Variants in LAMA2 observed in about 807,000 individuals in gnomAD.
LAMA2 encodes the protein laminin subunit alpha 2.
LAMA2 carries 269 observed loss-of-function variants against 364.8 expected under a neutral mutation model. That is an observed-to-expected ratio of 0.74 (90% CI 0.67 to 0.82). The LOEUF (loss-of-function observed/expected upper bound fraction) is 0.82, where lower values mean the gene tolerates loss of function less well. Among genes scored for constraint, LAMA2 ranks in the 40% least tolerant of loss-of-function variants. LAMA2 has a pLI of 0.00. For missense variants in LAMA2, 3,807 were observed against 3,873.2 expected, an observed-to-expected ratio of 0.98 and a Z score of 0.45; for synonymous variants, 1,379 against 1,370.6, an observed-to-expected ratio of 1.01 and a Z score of -0.14.
chr6:128,897,263 C>T (rs1439744093), intron 1 of LAMA2, among the ~76,000 whole-genome samples: 4 of 152,050 alleles, frequency 2.6e-5, no homozygotes, highest in Non-Finnish European at 4.4e-5. Context: ...AAAAGATTAA[C>T]AATTTAAACA....
intron 3 of LAMA2, among the ~76,000 whole-genome samples, chr6:129,083,076 TCACACACACA>T (rs10553801): frequency 3.3e-5 from 5 of 149,646 alleles, no homozygotes; most frequent in African/African-American, 9.8e-5. Flanking sequence ...TCTCCTCTGC[TCACACACACA>T]CACACACACA....
chr6:129,475,487 G>C, intron 53 of LAMA2, 86 bp downstream of exon 53: 1 of 921,696 alleles, frequency 1.1e-6, no homozygotes, highest in Admixed American at 1.9e-5. Flanking sequence ...TGCAGAAGCA[G>C]AGCAACACCA....
chr6:128,953,826 T>C (rs1780989508), intron 1 of LAMA2, among the ~76,000 whole-genome samples: 1 of 152,128 alleles, frequency 6.6e-6, no homozygotes, highest in South Asian at 2.1e-4. Context: ...TGAGGGCAAT[T>C]TTAAAAGAAG....
intron 43 of LAMA2, chr6:129,442,685 C>G (rs1782178327): frequency 3.4e-6 from 1 of 296,382 alleles, no homozygotes; most frequent in African/African-American, 2.3e-5. Flanking sequence ...CTCCTGCTCT[C>G]CACCCTCCAA....
At position 129,311,643 on chromosome 6, in the gene LAMA2, A is replaced by T. The variant is rs893046964; in HGVS notation, c.3175-1218A>T. On this transcript the variant is annotated intron_variant, in intron 22 of 64. Coordinates refer to ENST00000421865, the MANE Select transcript of LAMA2 (RefSeq NM_000426.4). ...GGTCCCTGAAATGACTTATTCCAAG[A>T]TCCTAAATGACATTTTAGAAATTCA... Among the ~76,000 whole-genome samples the T allele has an allele frequency of 4.6e-5, 7 of 152,344 alleles. No individual in the cohort carries two copies. In the East Asian group the frequency reaches 1.4e-3, roughly 29 times the overall value.
At chr6:129,268,320 A>G (rs1350656714) in intron 16 of LAMA2, among the ~76,000 whole-genome samples, 3 of 152,070 alleles carry the variant, frequency 2.0e-5, no homozygotes, top group East Asian at 3.9e-4. Context: ...TAATTATGCC[A>G]TAAGTCTTTT....
At chr6:129,109,277 G>T (rs1288282002) in intron 4 of LAMA2, among the ~76,000 whole-genome samples, 2 of 152,100 alleles carry the variant, frequency 1.3e-5, no homozygotes, top group African/African-American at 4.8e-5. Context: ...TTATAAGTGG[G>T]CAACAGAACC....
At chr6:129,365,372 A>AT (rs981045509) in intron 32 of LAMA2, among the ~76,000 whole-genome samples, 2 of 152,044 alleles carry the variant, frequency 1.3e-5, no homozygotes, top group African/African-American at 4.8e-5. Context: ...TTTTTATTTT[A>AT]TTTTTTGGGG....
chr6:129,012,313 A>G (rs1443527850), intron 1 of LAMA2, among the ~76,000 whole-genome samples: 3 of 152,094 alleles, frequency 2.0e-5, no homozygotes, highest in Non-Finnish European at 4.4e-5. Context: ...TATTTTTCTA[A>G]TTTGAATATT....
At position 129,430,812 on chromosome 6, in the gene LAMA2, T is replaced by C. The variant is rs147481053; in HGVS notation, c.5968+2958T>C. Among the ~76,000 whole-genome samples the C allele has an allele frequency of 6.1e-3, 929 of 152,208 alleles. 8 individuals are homozygous for C. Among genetic ancestry groups the C allele is most frequent in the African/African-American group, 0.02 (831 of 41,528 alleles). ...GAGCCAAGATCGCTCCATTGCACTCTAGCCTGGGTGACAGAGTGAGAGCCT... is the reference window on the plus strand; with the variant it reads ...GAGCCAAGATCGCTCCATTGCACTCCAGCCTGGGTGACAGAGTGAGAGCCT... On this transcript the variant is annotated intron_variant, in intron 41 of 64. Transcript: ENST00000421865.
chr6:129,141,140 A>G (rs55824748), intron 4 of LAMA2, among the ~76,000 whole-genome samples: 3,228 of 152,128 alleles, frequency 0.021, 58 homozygotes, highest in South Asian at 0.041. Flanking sequence ...GGGACAGTCA[A>G]GAGAGAATTT....
At chr6:129,326,597 T>TC (rs1775299680) in intron 28 of LAMA2, among the ~76,000 whole-genome samples, 1 of 151,336 alleles carries the variant, frequency 6.6e-6, no homozygotes, top group Non-Finnish European at 1.5e-5. Context: ...ATTACAGTAA[T>TC]AACTTAGTAG....
intron 5 of LAMA2, 78 bp downstream of exon 5, chr6:129,144,158 G>A: frequency 8.6e-7 from 1 of 1,164,818 alleles, no homozygotes; most frequent in Non-Finnish European, 1.3e-6. Flanking sequence ...CTTTAAAAAT[G>A]TTTTCAGTGA....
At chr6:129,056,817 A>G (rs924507981) in intron 2 of LAMA2, among the ~76,000 whole-genome samples, 11 of 151,262 alleles carry the variant, frequency 7.3e-5, no homozygotes, top group Admixed American at 4.6e-4. Flanking sequence ...TGCAACCTCT[A>G]CCTCCTGGGT....
chr6:129,282,782 T>C (rs1049767232), intron 18 of LAMA2, among the ~76,000 whole-genome samples: 11 of 152,066 alleles, frequency 7.2e-5, no homozygotes, highest in Non-Finnish European at 7.4e-5. Flanking sequence ...CCATCATCAT[T>C]TTTCCATCTG....
intron 1 of LAMA2, among the ~76,000 whole-genome samples, chr6:128,921,858 T>A: frequency 2.7e-5 from 2 of 73,796 alleles, no homozygotes; most frequent in South Asian, 5.5e-4. Flanking sequence ...CCCTTCCCCC[T>A]CCCCCCACCC....
chr6:129,216,894 G>A (rs773090354), intron 12 of LAMA2, among the ~76,000 whole-genome samples: 2 of 152,100 alleles, frequency 1.3e-5, no homozygotes, highest in Non-Finnish European at 1.5e-5. Context: ...GTATCATTAC[G>A]TTCTTAGAAT....
At position 129,513,341 on chromosome 6, in the gene LAMA2, A is replaced by G. The variant is rs556983664; in HGVS notation, c.8988+848A>G. ...GGTAAAAAGGAGTGAACAAATAAGT[A>G]ACACTCAATAGTTTTACCAAATTTT... On this transcript the variant is annotated intron_variant, in intron 63 of 64. Coordinates refer to ENST00000421865, the MANE Select transcript of LAMA2 (RefSeq NM_000426.4). 3.9e-4 allele frequency among the ~76,000 whole-genome samples: 59 copies of G among 152,216 alleles called. 1 individual carries two copies. Among genetic ancestry groups the G allele is most frequent in the Non-Finnish European group, 1.6e-4 (11 of 68,022 alleles).
chr6:129,097,486 C>T (rs1276373307), intron 3 of LAMA2, among the ~76,000 whole-genome samples: 1 of 152,188 alleles, frequency 6.6e-6, no homozygotes, highest in Non-Finnish European at 1.5e-5. Flanking sequence ...CTCTTTATTT[C>T]ACCCCTTTTC....
Sources: gnomAD v4.1 joint callset for allele counts (sites outside exome capture counted in the v4.1 genomes callset) on GRCh38, gnomAD v4.1.1 for gene constraint, MANE v1.5 for transcripts, NCBI Gene and HGNC (gene_info 2026-07-23, HGNC 2026-07-21) for gene names.